KCNMA1: variants seen among roughly 807,000 people sequenced by gnomAD.
The protein encoded by KCNMA1 is Calcium-activated potassium channel subunit alpha-1.
In KCNMA1, 29 loss-of-function variants were observed where a neutral mutation model predicts 140.0. The observed-to-expected ratio is 0.21, with a 90% CI of 0.15 to 0.28. The LOEUF (loss-of-function observed/expected upper bound fraction) is 0.28, where lower values mean the gene tolerates loss of function less well. Ranked by LOEUF, KCNMA1 falls within the 10% of genes least tolerant of loss-of-function variation. The pLI, the probability that KCNMA1 is intolerant of heterozygous loss-of-function variation, is 1.00. For synonymous variants in KCNMA1, 612 were observed against 611.9 expected, an observed-to-expected ratio of 1.00 and a Z score of 0.00; for missense variants, 880 against 1,602.2, an observed-to-expected ratio of 0.55 and a Z score of 7.70.
intron 23 of KCNMA1, among the ~76,000 whole-genome samples, chr10:76,920,053 C>CAT (rs1181751813): frequency 1.0e-5 from 1 of 95,476 alleles, no homozygotes; most frequent in Non-Finnish European, 1.9e-5. Flanking sequence ...TATATATATA[C>CAT]ACACAATATT....
At chr10:76,989,438 A>G (rs7900261) in intron 19 of KCNMA1, among the ~76,000 whole-genome samples, 92,323 of 151,856 alleles carry the variant, frequency 0.61, 28,468 homozygotes, top group African/African-American at 0.66. Flanking sequence ...AACAGTAAGG[A>G]TTGAAGCAAA....
chr10:76,980,981 GTT>G (rs1262726027), intron 19 of KCNMA1, among the ~76,000 whole-genome samples: 1 of 152,196 alleles, frequency 6.6e-6, no homozygotes, highest in Non-Finnish European at 1.5e-5. Context: ...CTAATAGGTT[GTT>G]GTGAGAATTG....
intron 26 of KCNMA1, 143 bp downstream of exon 26, chr10:76,891,382 T>A (rs2040000004): frequency 2.8e-6 from 2 of 711,788 alleles, no homozygotes; most frequent in Admixed American, 2.1e-5. Flanking sequence ...GAGTAAACTA[T>A]AAATAAATAT....
chr10:77,123,013 C>T (rs1379666907), intron 5 of KCNMA1, among the ~76,000 whole-genome samples: 3 of 116,824 alleles, frequency 2.6e-5, no homozygotes, highest in Non-Finnish European at 5.5e-5. Context: ...CCCGTCTCTA[C>T]TAAAAAACAC....
intron 2 of KCNMA1, among the ~76,000 whole-genome samples, chr10:77,326,730 A>G (rs1035919691): frequency 6.6e-6 from 1 of 152,198 alleles, no homozygotes; most frequent in African/African-American, 2.4e-5. Context: ...TGTTATTGGT[A>G]TTAATCACGT....
chr10:77,092,337 G>C (rs575815829), intron 9 of KCNMA1, among the ~76,000 whole-genome samples: 1 of 152,104 alleles, frequency 6.6e-6, no homozygotes, highest in East Asian at 1.9e-4. Context: ...AAATTTGCAC[G>C]TTCTGAATAA....
chr10:77,016,571 T>C (rs2092086554), intron 17 of KCNMA1, among the ~76,000 whole-genome samples: 1 of 152,228 alleles, frequency 6.6e-6, no homozygotes, highest in Non-Finnish European at 1.5e-5. Context: ...CGTAACTTTT[T>C]TCACCTTGGC....
chr10:77,059,693 G>T (rs570746928), intron 14 of KCNMA1, among the ~76,000 whole-genome samples: 1 of 152,088 alleles, frequency 6.6e-6, no homozygotes, highest in Non-Finnish European at 1.5e-5. Context: ...AAATAGAAAT[G>T]GGAAGGAACT....
chr10:76,882,396 C>G (rs2035022319), downstream of KCNMA1, among the ~76,000 whole-genome samples: 2 of 152,134 alleles, frequency 1.3e-5, no homozygotes, highest in Admixed American at 1.3e-4. Flanking sequence ...GAGCTTCGAC[C>G]TTCAAGGGTA....
At chr10:77,537,011 C>T (rs1180713129) in intron 1 of KCNMA1, among the ~76,000 whole-genome samples, 1 of 152,196 alleles carries the variant, frequency 6.6e-6, no homozygotes, top group African/African-American at 2.4e-5. Flanking sequence ...TGTGTATTGA[C>T]TTTAGTTCAT....
chr10:77,608,004 T>C (rs548958741), intron 1 of KCNMA1, among the ~76,000 whole-genome samples: 2 of 152,244 alleles, frequency 1.3e-5, no homozygotes, highest in African/African-American at 4.8e-5. Context: ...TCCTCTTTCC[T>C]AGGGTCCCTG....
At chr10:76,934,322 G>A (rs1469738427) in intron 23 of KCNMA1, among the ~76,000 whole-genome samples, 1 of 152,176 alleles carries the variant, frequency 6.6e-6, no homozygotes, top group African/African-American at 2.4e-5. Context: ...TTTCGCTCTT[G>A]TTGCTTTTAA....
rs2036901239 is a variant in KCNMA1, at chr10:76,886,288, C to CT, written c.*977dup. On this transcript the variant is annotated 3_prime_UTR_variant, in exon 28 of 28. Coordinates refer to ENST00000286628, the MANE Select transcript of KCNMA1 (RefSeq NM_001161352.2). Reference sequence around the variant, plus strand: ...CTGAGAATGCATGGAAAAATACTTGCTCTTTCCTGAGCATTATTTATTCTG... The same window carrying CT: ...CTGAGAATGCATGGAAAAATACTTGCTTCTTTCCTGAGCATTATTTATTCTG... 1 of 985,234 alleles carries CT rather than the reference C, an allele frequency of 1.0e-6. No homozygotes were observed. Among genetic ancestry groups the CT allele is most frequent in the African/African-American group, 1.7e-5 (1 of 57,218 alleles). The allele number at this position is 985,234 out of a possible 1,614,324, so 61.0% of individuals were successfully genotyped here.
intron 2 of KCNMA1, among the ~76,000 whole-genome samples, chr10:77,359,717 G>A (rs1031114826): frequency 6.6e-6 from 1 of 152,220 alleles, no homozygotes; most frequent in African/African-American, 2.4e-5. Context: ...TTAACCCACA[G>A]GGTGAGTGCC....
chr10:76,901,283 T>A (rs1265741901), intron 25 of KCNMA1: 6 of 152,210 alleles, frequency 3.9e-5, no homozygotes, highest in African/African-American at 1.4e-4. Context: ...TATTTTCTTC[T>A]TTATATGTTT....
intron 23 of KCNMA1, among the ~76,000 whole-genome samples, chr10:76,934,223 C>T (rs572936729): frequency 2.0e-5 from 3 of 152,328 alleles, no homozygotes; most frequent in South Asian, 2.1e-4. Flanking sequence ...CCACCTGCTT[C>T]GGCCCCCCAG....
At chr10:77,620,940 TG>T (rs1208603392) in intron 1 of KCNMA1, among the ~76,000 whole-genome samples, 27 of 152,274 alleles carry the variant, frequency 1.8e-4, no homozygotes, top group Middle Eastern at 3.4e-3. Flanking sequence ...TCATGCAATG[TG>T]GTTACCGGTA....
intron 23 of KCNMA1, among the ~76,000 whole-genome samples, chr10:76,918,184 T>C (rs1270033494): frequency 6.6e-6 from 1 of 152,184 alleles, no homozygotes; most frequent in Admixed American, 6.5e-5. Flanking sequence ...ACTCCAGAGA[T>C]CTACAGCTAG....
At chr10:77,260,157 G>A (rs1443794805) in intron 2 of KCNMA1, among the ~76,000 whole-genome samples, 1 of 152,164 alleles carries the variant, frequency 6.6e-6, no homozygotes, top group Non-Finnish European at 1.5e-5. Flanking sequence ...CGGTGGTAGA[G>A]GTCGAGGGTC....
Sources: gnomAD v4.1 joint callset for allele counts (sites outside exome capture counted in the v4.1 genomes callset) on GRCh38, gnomAD v4.1.1 for gene constraint, MANE v1.5 for transcripts, NCBI Gene and HGNC (gene_info 2026-07-23, HGNC 2026-07-21) for gene names.